Variants in DMD observed in about 807,000 individuals in gnomAD.
DMD encodes the protein dystrophin.
DMD carries 63 observed loss-of-function variants against 330.1 expected under a neutral mutation model. The ratio of observed to expected loss-of-function variants is 0.19; its 90% CI spans 0.16 to 0.24. The LOEUF is 0.24. Ranked by LOEUF, DMD falls within the 10% of genes least tolerant of loss-of-function variation. The pLI, the probability that DMD is intolerant of heterozygous loss-of-function variation, is 1.00. For synonymous variants in DMD, 1,223 were observed against 959.8 expected, an observed-to-expected ratio of 1.27 and a Z score of -5.07; for missense variants, 3,344 against 2,684.1, an observed-to-expected ratio of 1.25 and a Z score of -5.43.
intron 54 of DMD, among the ~76,000 whole-genome samples, chrX:31,647,883 T>C (rs73455954): frequency 0.02 from 2,194 of 112,186 alleles, 60 homozygotes; most frequent in African/African-American, 0.067. Context: ...CAACTACTGC[T>C]TTGAATGGGG....
chrX:32,780,147 TTA>T (rs774777413), intron 7 of DMD, among the ~76,000 whole-genome samples: 5 of 111,936 alleles, frequency 4.5e-5, no homozygotes, highest in African/African-American at 1.6e-4. Flanking sequence ...AAAATATGCC[TTA>T]TGTTTCTAAT....
At position 32,839,730 on chromosome X, in the gene DMD, A is replaced by ATT. The variant is rs61327287; in HGVS notation, c.264+5051_264+5052dup. Among the ~76,000 whole-genome samples, 487 of 103,903 alleles carry ATT rather than the reference A, an allele frequency of 4.7e-3. 4 individuals are homozygous for ATT. The highest frequency in any genetic ancestry group is 0.016 in the African/African-American group (464 of 28,661). 90.2% of individuals were successfully genotyped at this position (103,903 alleles called of 115,157 possible). ...AAAATGGAGAATTATAAGATAATGCATTTTTTTTTTTTCACTCTGTGGCCA... is the reference window on the plus strand; with the variant it reads ...AAAATGGAGAATTATAAGATAATGCATTTTTTTTTTTTTTCACTCTGTGGCCA... On this transcript the variant is annotated intron_variant, in intron 4 of 78. Coordinates refer to ENST00000357033, the MANE Select transcript of DMD (RefSeq NM_004006.3).
At chrX:32,506,470 T>C (rs1334608471) in intron 18 of DMD, among the ~76,000 whole-genome samples, 1 of 102,596 alleles carries the variant, frequency 9.7e-6, no homozygotes, top group Non-Finnish European at 2.0e-5. Flanking sequence ...CCATCAGGAA[T>C]AGCTGTAATA....
rs1332956005 is a variant in DMD, at chrX:32,381,449, A to G, written c.4675-769T>C. 4.5e-5 allele frequency among the ~76,000 whole-genome samples: 5 copies of G among 111,663 alleles called. No individual in the cohort carries two copies. The East Asian group carries it at 1.4e-3, about 31-fold the overall frequency. The stretch of plus-strand genomic sequence containing the variant: ...CTCCACCACCTTCTCAGATGTGCCT[A>G]TATTTTGTTAAGATTTTCAGTTGGT... On this transcript the variant is annotated intron_variant, in intron 33 of 78. Coordinates refer to ENST00000357033, the MANE Select transcript of DMD (RefSeq NM_004006.3).
chrX:31,278,926 A>G (rs757261671), intron 62 of DMD, among the ~76,000 whole-genome samples: 13 of 112,171 alleles, frequency 1.2e-4, no homozygotes, highest in Admixed American at 5.7e-4. Flanking sequence ...AATTATCATG[A>G]TTTTTAAAAG....
chrX:32,116,084 T>A (rs1684687913), intron 44 of DMD, among the ~76,000 whole-genome samples: 1 of 112,048 alleles, frequency 8.9e-6, no homozygotes, highest in South Asian at 3.7e-4. Flanking sequence ...GATCTTGCCC[T>A]TGCCTATACT....
intron 55 of DMD, among the ~76,000 whole-genome samples, chrX:31,511,383 C>T (rs1327683246): frequency 9.6e-6 from 1 of 104,702 alleles, no homozygotes; most frequent in South Asian, 4.3e-4. Context: ...GCACAACGTG[C>T]AGGTTAGTTA....
At chrX:32,108,367 T>C (rs1282270006) in intron 44 of DMD, among the ~76,000 whole-genome samples, 2 of 112,061 alleles carry the variant, frequency 1.8e-5, no homozygotes, top group Non-Finnish European at 3.8e-5. Flanking sequence ...TACAGAGATT[T>C]CTCTTACAAA....
At chrX:32,364,506 A>T (rs1335556045) in intron 36 of DMD, 76 bp downstream of exon 36, 3 of 1,091,944 alleles carry the variant, frequency 2.7e-6, no homozygotes, top group African/African-American at 1.8e-5. Flanking sequence ...AGACGTCCTT[A>T]GTATCTTTTA....
At position 32,823,347 on chromosome X, in the gene DMD, C is replaced by T; in HGVS notation, c.305G>A (p.Gly102Glu). The change falls in exon 5 of 79, where the codon GGA becomes GAA. Residue 102 changes from glycine (G) to glutamate (E), a missense_variant. Physicochemically the swap from Gly to Glu is moderately conservative, Grantham distance 98. Transcript: ENST00000357033. Reference sequence around the variant, plus strand: ...CAAACCAAGAGTCAGTTTATGATTTCCATCTACGATGTCAGTACTTCCAAT... The same window carrying T: ...CAAACCAAGAGTCAGTTTATGATTTTCATCTACGATGTCAGTACTTCCAAT... ...VNIGSTDIVD[G>E]NHKLTLGLIW... is the part of the protein sequence containing the mutation. The T allele has an allele frequency of 2.5e-6, 3 of 1,208,990 alleles. No individual in the cohort carries two copies. Among genetic ancestry groups the T allele is most frequent in the Non-Finnish European group, 3.4e-6 (3 of 893,468 alleles).
chrX:31,390,571 C>A (rs79186087), intron 60 of DMD, among the ~76,000 whole-genome samples: 1 of 111,161 alleles, frequency 9.0e-6, no homozygotes, highest in Non-Finnish European at 1.9e-5. Context: ...ACAAAAAAAA[C>A]TTGGGAGTCA....
At chrX:31,574,651 T>A (rs954161649) in intron 55 of DMD, among the ~76,000 whole-genome samples, 2 of 111,194 alleles carry the variant, frequency 1.8e-5, no homozygotes, top group African/African-American at 6.5e-5. Flanking sequence ...CAAGGGGAAA[T>A]GACTTCTCTG....
chrX:32,268,451 T>C (rs1257160370), intron 43 of DMD, among the ~76,000 whole-genome samples: 2 of 111,563 alleles, frequency 1.8e-5, no homozygotes, highest in Non-Finnish European at 3.8e-5. Flanking sequence ...GAGACAAGTG[T>C]TTTATGCCTT....
chrX:32,126,562 C>A (rs1210974954), intron 44 of DMD, among the ~76,000 whole-genome samples: 4 of 108,651 alleles, frequency 3.7e-5, no homozygotes, highest in African/African-American at 1.1e-4. Flanking sequence ...ATGTTTATAC[C>A]CTGGGTCACA....
intron 60 of DMD, among the ~76,000 whole-genome samples, chrX:31,376,181 T>C: frequency 8.9e-6 from 1 of 112,504 alleles, no homozygotes; most frequent in African/African-American, 3.2e-5. Flanking sequence ...ACTATTTTCC[T>C]TCCTTCCTCT....
intron 54 of DMD, among the ~76,000 whole-genome samples, chrX:31,656,804 T>C (rs760420733): frequency 3.6e-5 from 4 of 111,738 alleles, no homozygotes; most frequent in Non-Finnish European, 7.5e-5. Flanking sequence ...AGGGTCTTTT[T>C]CATAGGGCTC....
At chrX:31,833,367 G>A (rs1316377523) in intron 49 of DMD, among the ~76,000 whole-genome samples, 2 of 104,825 alleles carry the variant, frequency 1.9e-5, no homozygotes, top group African/African-American at 7.0e-5. Context: ...GAAAGAGAGA[G>A]AGAGAGAGAG....
chrX:32,615,354 G>A (rs184846252), intron 11 of DMD, among the ~76,000 whole-genome samples: 2 of 110,984 alleles, frequency 1.8e-5, no homozygotes, highest in Non-Finnish European at 3.8e-5. Context: ...TCTACAACCA[G>A]GTTCTTAAAC....
Position 33,098,195 on chromosome X carries a change from C to A in DMD, c.32-77995G>T, listed in dbSNP as rs1410500653. 1.4e-4 allele frequency among the ~76,000 whole-genome samples: 16 copies of A among 111,669 alleles called. No individual in the cohort carries two copies. The Admixed American group carries it at 1.4e-3, about 10-fold the overall frequency. On this transcript the variant is annotated intron_variant, in intron 1 of 78. Coordinates refer to ENST00000357033, the MANE Select transcript of DMD (RefSeq NM_004006.3). Reference sequence around the variant, plus strand: ...TGTATTTGTTCTGTTCAGAAAGATTCATCCCAGTTTAGCGGAAGAGAAAAC... The same window carrying A: ...TGTATTTGTTCTGTTCAGAAAGATTAATCCCAGTTTAGCGGAAGAGAAAAC...
Sources: allele counts gnomAD v4.1 joint callset (sites outside exome capture counted in the v4.1 genomes callset), GRCh38; gene constraint gnomAD v4.1.1; transcripts MANE v1.5; gene names NCBI Gene and HGNC (gene_info 2026-07-23, HGNC 2026-07-21).